KIF4A: variants seen among roughly 807,000 people sequenced by gnomAD.
KIF4A encodes chromosome-associated kinesin KIF4A.
A neutral mutation model predicts 105.9 loss-of-function variants in KIF4A; 7 were observed. That is an observed-to-expected ratio of 0.07 (90% CI 0.04 to 0.12). The LOEUF (loss-of-function observed/expected upper bound fraction) is 0.12. Among genes scored for constraint, KIF4A ranks in the 10% least tolerant of loss-of-function variants. The pLI, the probability that KIF4A is intolerant of heterozygous loss-of-function variation, is 1.00. For missense variants in KIF4A, 558 were observed against 929.2 expected (o/e 0.60, Z 5.19); for synonymous variants, 281 against 331.3 (o/e 0.85, Z 1.65).
intron 4 of KIF4A, among the ~76,000 whole-genome samples, chrX:70,297,877 T>C (rs1204350118): frequency 8.9e-6 from 1 of 111,977 alleles, no homozygotes; most frequent in Admixed American, 9.4e-5. Context: ...ATTAAACTTA[T>C]ATAATTTAAG....
chrX:70,399,665 T>A (rs1007927810), intron 22 of KIF4A, among the ~76,000 whole-genome samples: 6 of 107,105 alleles, frequency 5.6e-5, no homozygotes, highest in Non-Finnish European at 9.6e-5. Context: ...TAAAAAAGTT[T>A]ATGGAAATCA....
At position 70,387,634 on chromosome X, in the gene KIF4A, G is replaced by A. The variant is rs893253846; in HGVS notation, c.2232+337G>A. On this transcript the variant is annotated intron_variant, in intron 20 of 30. Coordinates refer to ENST00000374403, the MANE Select transcript of KIF4A (RefSeq NM_012310.5). ...TATAATCCCAGCACATTGGGAGGCC[G>A]AGGTGGGCAGATCACCTGCGGTCAG... 5.4e-5 allele frequency among the ~76,000 whole-genome samples: 6 copies of A among 112,076 alleles called. No individual in the cohort carries two copies. The East Asian group carries it at 8.4e-4, about 16-fold the overall frequency.
Position 70,349,711 on chromosome X carries a change from C to T in KIF4A, c.1432-2889C>T, listed in dbSNP as rs757964915. Among the ~76,000 whole-genome samples, 81 of 64,708 alleles carry T rather than the reference C, an allele frequency of 1.3e-3. 3 individuals carry two copies. The highest frequency in any genetic ancestry group is 1.8e-3 in the Non-Finnish European group (66 of 36,367). 56.2% of individuals were successfully genotyped at this position (64,708 alleles called of 115,157 possible). ...AGTCGGGGTGGCGGCCGGGCAGAGA[C>T]GCTCCTCACCTCCCAGACGGGGTGG... On this transcript the variant is annotated intron_variant, in intron 13 of 30. Transcript: ENST00000374403.
intron 13 of KIF4A, among the ~76,000 whole-genome samples, chrX:70,351,653 G>A (rs1315688334): frequency 8.9e-6 from 1 of 112,333 alleles, no homozygotes; most frequent in East Asian, 2.8e-4. Context: ...AGGGACAGAG[G>A]CTGCAGTACC....
intron 26 of KIF4A, 112 bp downstream of exon 26, chrX:70,406,017 A>G (rs1264646623): frequency 1.7e-6 from 1 of 602,090 alleles, no homozygotes; most frequent in South Asian, 2.6e-5. Context: ...CATGAGGTCT[A>G]CATTTAGTTT....
At chrX:70,379,353 AC>A (rs1249644447) in intron 18 of KIF4A, among the ~76,000 whole-genome samples, 2 of 111,597 alleles carry the variant, frequency 1.8e-5, no homozygotes, top group African/African-American at 6.5e-5. Context: ...GACAAAAACT[AC>A]CAAAACTGAC....
At chrX:70,291,965 C>T (rs1344181725) in intron 3 of KIF4A, among the ~76,000 whole-genome samples, 2 of 111,645 alleles carry the variant, frequency 1.8e-5, no homozygotes, top group African/African-American at 6.5e-5. Context: ...TATTTTTTCA[C>T]GTTTTTTTGT....
At chrX:70,345,271 C>A (rs1280999848) in intron 13 of KIF4A, among the ~76,000 whole-genome samples, 2 of 111,515 alleles carry the variant, frequency 1.8e-5, no homozygotes, top group African/African-American at 6.5e-5. Context: ...CAAAACTAGC[C>A]TGGCCAAAAT....
chrX:70,348,170 G>A (rs899337638), intron 13 of KIF4A, among the ~76,000 whole-genome samples: 1 of 108,518 alleles, frequency 9.2e-6, no homozygotes, highest in African/African-American at 3.4e-5. Context: ...CAGGCCAGGC[G>A]CAGTGGCTTA....
At chrX:70,296,329 C>T (rs1427264092) in intron 3 of KIF4A, among the ~76,000 whole-genome samples, 2 of 111,223 alleles carry the variant, frequency 1.8e-5, no homozygotes, top group Admixed American at 1.9e-4. Context: ...AAGCAATCTG[C>T]CTGCCTCGGC....
At chrX:70,386,514 T>C (rs2086218115) in intron 18 of KIF4A, 104 bp from the exon 19 acceptor site, 2 of 576,136 alleles carry the variant, frequency 3.5e-6, no homozygotes, top group Admixed American at 5.6e-5. Flanking sequence ...CACTGTATTG[T>C]AGTTAACCTT....
chrX:70,411,612 C>A (rs1035665298), intron 28 of KIF4A, among the ~76,000 whole-genome samples: 2 of 110,962 alleles, frequency 1.8e-5, no homozygotes, highest in African/African-American at 6.6e-5. Flanking sequence ...AACATGGAGC[C>A]TAGGACTCCA....
chrX:70,407,190 C>T, intron 28 of KIF4A, 115 bp downstream of exon 28: 1 of 798,803 alleles, frequency 1.3e-6, no homozygotes. Context: ...TCACTGCAAC[C>T]TCTGCCTCCC....
At chrX:70,392,828 C>T (rs1040410371) in intron 20 of KIF4A, among the ~76,000 whole-genome samples, 3 of 106,111 alleles carry the variant, frequency 2.8e-5, no homozygotes, top group Non-Finnish European at 5.8e-5. Flanking sequence ...TTAATTTCCA[C>T]TCTGATCTTA....
chrX:70,334,160 A>G (rs2147693745), intron 10 of KIF4A, among the ~76,000 whole-genome samples: 1 of 111,144 alleles, frequency 9.0e-6, no homozygotes, highest in East Asian at 2.8e-4. Flanking sequence ...CATGTCTCCA[A>G]GGAACCCTAG....
rs553922778 is a variant in KIF4A, at chrX:70,294,563, C to A, written c.236-2435C>A. Among the ~76,000 whole-genome samples, 44 of 112,114 alleles carry A rather than the reference C, an allele frequency of 3.9e-4. No homozygotes were observed. In the South Asian group the frequency reaches 0.016, roughly 41 times the overall value. On this transcript the variant is annotated intron_variant, in intron 3 of 30. Coordinates refer to ENST00000374403, the MANE Select transcript of KIF4A (RefSeq NM_012310.5). Reference sequence around the variant, plus strand: ...CACAAACATGTAACATGTTGCACTGCAATATTATAATGGCTAAGTCAATAA... The same window carrying A: ...CACAAACATGTAACATGTTGCACTGAAATATTATAATGGCTAAGTCAATAA...
chrX:70,337,227 G>A (rs5980913), intron 10 of KIF4A, among the ~76,000 whole-genome samples: 5 of 111,577 alleles, frequency 4.5e-5, no homozygotes, highest in Middle Eastern at 4.6e-3. Context: ...GGTGCATGCC[G>A]AAGTCCCAGC....
intron 20 of KIF4A, among the ~76,000 whole-genome samples, chrX:70,394,123 C>G (rs2086250352): frequency 1.8e-5 from 2 of 108,619 alleles, no homozygotes; most frequent in South Asian, 8.0e-4. Context: ...GCCTCAGCCT[C>G]CCAAAGTGTT....
chrX:70,326,134 G>C (rs1052881364), intron 7 of KIF4A, among the ~76,000 whole-genome samples: 1 of 111,714 alleles, frequency 9.0e-6, no homozygotes, highest in African/African-American at 3.3e-5. Context: ...CCATACTTCT[G>C]TTTTTCACCC....
Sources: gnomAD v4.1 joint callset for allele counts (sites outside exome capture counted in the v4.1 genomes callset) on GRCh38, gnomAD v4.1.1 for gene constraint, MANE v1.5 for transcripts, NCBI Gene and HGNC (gene_info 2026-07-23, HGNC 2026-07-21) for gene names.